AGRN: variants seen among roughly 807,000 people sequenced by gnomAD.
AGRN encodes agrin proteoglycan.
In AGRN, 106 loss-of-function variants were observed where a neutral mutation model predicts 211.0. The observed-to-expected ratio is 0.50, with a 90% CI of 0.43 to 0.59. The LOEUF (loss-of-function observed/expected upper bound fraction) is 0.59, where lower values mean the gene tolerates loss of function less well. Among genes scored for constraint, AGRN ranks in the 20% least tolerant of loss-of-function variants. The pLI is 0.00. For synonymous variants in AGRN, 1,525 were observed against 1,332.5 expected (o/e 1.14, Z -3.15); for missense variants, 3,040 against 2,982.6 (o/e 1.02, Z -0.45).
intron 2 of AGRN, among the ~76,000 whole-genome samples, chr1:1,025,303 G>C (rs1214434045): frequency 6.6e-6 from 1 of 152,110 alleles, no homozygotes; most frequent in Non-Finnish European, 1.5e-5. Context: ...ATTCCGGCGT[G>C]TGCACCCTCC....
At position 1,046,271 on chromosome 1, in the gene AGRN, G is replaced by C; in HGVS notation, c.2911+6G>C. On this transcript the variant is annotated splice_donor_region_variant and intron_variant, in intron 17 of 35. Coordinates refer to ENST00000379370, the MANE Select transcript of AGRN (RefSeq NM_198576.4). ...GAGCCTGGGCCCGTGCCAGGGTGAG[G>C]CCTGACGGCCACTGCCCCAGAACTG... The C allele has an allele frequency of 6.2e-7, 1 of 1,613,074 alleles. No individual in the cohort carries two copies. Among genetic ancestry groups the C allele is most frequent in the Non-Finnish European group, 8.5e-7 (1 of 1,179,934 alleles).
At chr1:1,027,924 C>T (rs948111218) in intron 2 of AGRN, among the ~76,000 whole-genome samples, 15 of 152,220 alleles carry the variant, frequency 9.9e-5, no homozygotes, top group Admixed American at 2.6e-4. Flanking sequence ...ACGCACCCCC[C>T]GCTGGAGAAG....
chr1:1,044,519 G>C, intron 12 of AGRN, 80 bp downstream of exon 12: 9 of 1,395,338 alleles, frequency 6.5e-6, no homozygotes, highest in Non-Finnish European at 8.9e-6. Context: ...GCGTGCCCGT[G>C]TGCTGCGTTG....
Position 1,049,963 on chromosome 1 carries a change from C to T in AGRN, c.4805C>T (p.Pro1602Leu), listed in dbSNP as rs935763466. 3.7e-6 allele frequency: 6 copies of T among 1,612,132 alleles called. No homozygotes were observed. Among genetic ancestry groups the T allele is most frequent in the Non-Finnish European group, 5.1e-6 (6 of 1,179,840 alleles). ...CCCAACCCCTGCCATGGGGCGGCGC[C>T]CTGCCGTGTGCTGCCCGAGGGTGGT... ...CQPNPCHGAA[P>L]CRVLPEGGAQ... Residue 1602 changes from proline to leucine, a missense_variant, in exon 27 of 36, where the codon CCC (proline) becomes CTC (leucine). By Grantham distance (98) the Pro-to-Leu change is moderately conservative. Transcript: ENST00000379370.
rs751148962 is a variant in AGRN at position 1,040,641 on chromosome 1, A to T, written c.512-24A>T. 3 of 1,546,232 alleles carry T rather than the reference A, an allele frequency of 1.9e-6. No individual in the cohort carries two copies. In the South Asian group the frequency reaches 3.6e-5, roughly 18 times the overall value. On this transcript the variant is annotated intron_variant, in intron 3 of 35. Transcript: ENST00000379370. ...TGGGTACGGGCGTCTCGGCACCCTGAGCTTTCTCCCCTACCCGCCCCAGCG... is the reference window on the plus strand; with the variant it reads ...TGGGTACGGGCGTCTCGGCACCCTGTGCTTTCTCCCCTACCCGCCCCAGCG...
intron 3 of AGRN, 124 bp from the exon 4 acceptor site, chr1:1,040,541 G>C: frequency 8.5e-7 from 1 of 1,176,272 alleles, no homozygotes; most frequent in South Asian, 1.4e-5. Flanking sequence ...TGTCCGTGGT[G>C]GACCCCCGAT....
chr1:1,050,639 G>A (rs1438102165), intron 29 of AGRN, 48 bp downstream of exon 29: 13 of 1,603,776 alleles, frequency 8.1e-6, no homozygotes, highest in Non-Finnish European at 1.1e-5. Flanking sequence ...CTGGCCCGGG[G>A]CCGGGGCACC....
intron 2 of AGRN, chr1:1,034,724 C>T: frequency 2.0e-6 from 2 of 999,598 alleles, no homozygotes; most frequent in Non-Finnish European, 2.4e-6. Context: ...GCGGGCGGGG[C>T]GTCGCACTGG....
intron 3 of AGRN, among the ~76,000 whole-genome samples, chr1:1,036,372 C>T (rs1644805468): frequency 6.6e-6 from 1 of 152,080 alleles, no homozygotes; most frequent in Non-Finnish European, 1.5e-5. Flanking sequence ...TGGGGTCTTC[C>T]CTCGGAGTGT....
rs920254103 is a variant in AGRN, at chr1:1,022,544, G to A, written c.463+82G>A. On this transcript the variant is annotated intron_variant, in intron 2 of 35. Transcript: ENST00000379370. Reference sequence around the variant, plus strand: ...GGACAGGTTGCAGGGGTCGCTGTGCGGGGTCCTTTCGTGCTGTGCCGGAGG... The same window carrying A: ...GGACAGGTTGCAGGGGTCGCTGTGCAGGGTCCTTTCGTGCTGTGCCGGAGG... 4.1e-5 allele frequency: 57 copies of A among 1,399,518 alleles called. 1 individual carries two copies. The highest frequency in any genetic ancestry group is 7.1e-5 in the East Asian group (3 of 42,334). The allele number at this position is 1,399,518 out of a possible 1,614,324, so 86.7% of individuals were successfully genotyped here.
At position 1,031,904 on chromosome 1, in the gene AGRN, G is replaced by A. The variant is rs1245000404; in HGVS notation, c.464-3373G>A. Among the ~76,000 whole-genome samples the A allele has an allele frequency of 6.6e-6, 1 of 152,232 alleles. No individual in the cohort carries two copies. Among genetic ancestry groups the A allele is most frequent in the Non-Finnish European group, 1.5e-5 (1 of 68,034 alleles). ...CCTGGGACTCAGAGCTGGGAGGTGA[G>A]AAATGGGGAATGCATGTGAACCACC... On this transcript the variant is annotated intron_variant, in intron 2 of 35. Transcript: ENST00000379370. This position sits in a 1 kb window ranked among gnomAD's most constrained non-coding sequence, Gnocchi z 4.8.
Position 1,031,291 on chromosome 1 carries a change from G to T in AGRN, c.464-3986G>T, listed in dbSNP as rs1414552252. On this transcript the variant is annotated intron_variant, in intron 2 of 35. Transcript: ENST00000379370. The surrounding 1 kb of genome is among the most constrained non-coding windows in gnomAD (Gnocchi z 4.8). ...CTGAGTGTGAGATCAGCATGTGTGT[G>T]TATGTGTGTGCGGTGCATGGTGCTG... Among the ~76,000 whole-genome samples the T allele has an allele frequency of 1.3e-5, 2 of 150,962 alleles. No homozygotes were observed. Among genetic ancestry groups the T allele is most frequent in the Admixed American group, 6.6e-5 (1 of 15,188 alleles).
Position 1,048,394 on chromosome 1 carries a change from G to A in AGRN, c.4105+29G>A. 2 of 1,407,832 alleles carry A rather than the reference G, an allele frequency of 1.4e-6. No individual in the cohort carries two copies. The highest frequency in any genetic ancestry group is 1.9e-6 in the Non-Finnish European group (2 of 1,063,798). 87.2% of individuals were successfully genotyped at this position (1,407,832 alleles called of 1,614,324 possible). Reference sequence around the variant, plus strand: ...AGGATGTCCACTGCAGAGGAGGGCGGGGAGGCAGCAGGGTGGGGGCAAGGA... The same window carrying A: ...AGGATGTCCACTGCAGAGGAGGGCGAGGAGGCAGCAGGGTGGGGGCAAGGA... On this transcript the variant is annotated intron_variant, in intron 23 of 35. Transcript: ENST00000379370. This position sits in a 1 kb window ranked among gnomAD's most constrained non-coding sequence, Gnocchi z 5.9.
At chr1:1,053,717 C>T (rs1194134717) in intron 33 of AGRN, 36 bp from the exon 34 acceptor site, 3 of 1,562,268 alleles carry the variant, frequency 1.9e-6, no homozygotes, top group South Asian at 1.2e-5. Flanking sequence ...CTGTTGCCAC[C>T]TTCCTAGAGG....
intron 1 of AGRN, 128 bp downstream of exon 1, chr1:1,020,501 A>G (rs1644372329): frequency 2.2e-6 from 2 of 907,282 alleles, no homozygotes; most frequent in Non-Finnish European, 3.0e-6. Flanking sequence ...GCGACCGCCA[A>G]GCCCCGGGAG....
At chr1:1,041,136 GGGGCGGC>G in intron 4 of AGRN, 30 bp from the exon 5 acceptor site, 1 of 1,296,270 alleles carries the variant, frequency 7.7e-7, no homozygotes, top group Non-Finnish European at 9.8e-7. Flanking sequence ...AGCGGGGGCG[GGGGCGGC>G]CCGTCTGACC....
At position 1,047,903 on chromosome 1, in the gene AGRN, C is replaced by T. The variant is rs1570231868; in HGVS notation, c.3751+8C>T. 1.2e-6 allele frequency: 2 copies of T among 1,600,822 alleles called. No homozygotes were observed. The highest frequency in any genetic ancestry group is 4.5e-5 in the East Asian group (2 of 44,076). ...TGCGATTTATGGACTTTGGTGAGCG[C>T]CAGGCCACGAGCCACAGCTTACCTG... On this transcript the variant is annotated splice_region_variant and intron_variant, in intron 22 of 35. Coordinates refer to ENST00000379370, the MANE Select transcript of AGRN (RefSeq NM_198576.4).
At chr1:1,051,131 T>A in intron 30 of AGRN, 122 bp from the exon 31 acceptor site, 1 of 1,521,608 alleles carries the variant, frequency 6.6e-7, no homozygotes, top group Admixed American at 2.0e-5. Flanking sequence ...GCCATTTCTG[T>A]GTGATTAACG....
rs1645135657 is a variant in AGRN, at chr1:1,047,577, A to C, written c.3521A>C (p.Asp1174Ala). The C allele has an allele frequency of 1.2e-6, 2 of 1,612,854 alleles. No individual in the cohort carries two copies. Among genetic ancestry groups the C allele is most frequent in the East Asian group, 4.5e-5 (2 of 44,872 alleles). The change falls in exon 21 of 36, where the codon GAC (aspartate) becomes GCC (alanine). Residue 1174 changes from aspartate (D) to alanine (A), a missense_variant. Asp to Ala is a moderately radical substitution (Grantham distance 126). Around this residue, in one of 3 missense-constraint regions of AGRN, gnomAD observed 1,537 missense variants for 1,505.0 expected, o/e 1.02. Transcript: ENST00000379370. ...CTTGCCTACTCCCTGCCACAGCTGGACGACCTCTTCCGGAATTCAGACGTC... is the reference window on the plus strand; with the variant it reads ...CTTGCCTACTCCCTGCCACAGCTGGCCGACCTCTTCCGGAATTCAGACGTC... ...ETARSIESTLDDLFRNSDVKK... is the reference protein window; with the variant it reads ...ETARSIESTLADLFRNSDVKK...
Sources: allele counts gnomAD v4.1 joint callset (sites outside exome capture counted in the v4.1 genomes callset), GRCh38; gene constraint gnomAD v4.1.1; regional missense constraint gnomAD v4.1.1; non-coding constraint Gnocchi (gnomAD v3.1); transcripts MANE v1.5; gene names NCBI Gene and HGNC (gene_info 2026-07-23, HGNC 2026-07-21).